The following PRKAG2 variants were observed in gnomAD, a reference collection of about 807,000 sequenced individuals.
PRKAG2 encodes protein kinase AMP-activated non-catalytic subunit gamma 2, also known as 5'-AMP-activated protein kinase subunit gamma-2.
Under a neutral mutation model 69.6 loss-of-function variants are expected in PRKAG2, and 26 were observed. That is an observed-to-expected ratio of 0.37 (90% CI 0.27 to 0.52). The LOEUF (loss-of-function observed/expected upper bound fraction) is 0.52, where lower values mean the gene tolerates loss of function less well. Among genes scored for constraint, PRKAG2 ranks in the 20% least tolerant of loss-of-function variants. The pLI is 0.90. For synonymous variants in PRKAG2, 293 were observed against 285.0 expected (o/e 1.03, Z -0.28); for missense variants, 557 against 740.0 (o/e 0.75, Z 2.87).
chr7:151,700,025 T>G (rs1386088200), intron 3 of PRKAG2, among the ~76,000 whole-genome samples: 3 of 152,170 alleles, frequency 2.0e-5, no homozygotes, highest in Non-Finnish European at 4.4e-5. Flanking sequence ...AATGAAATAG[T>G]TCCACTGAAA....
At position 151,780,253 on chromosome 7, in the gene PRKAG2, G is replaced by A. The variant is rs868401730; in HGVS notation, c.466+899C>T. Among the ~76,000 whole-genome samples the A allele has an allele frequency of 1.3e-5, 2 of 152,232 alleles. No individual in the cohort carries two copies. Among genetic ancestry groups the A allele is most frequent in the African/African-American group, 4.8e-5 (2 of 41,464 alleles). On this transcript the variant is annotated intron_variant, in intron 3 of 15. Coordinates refer to ENST00000287878, the MANE Select transcript of PRKAG2 (RefSeq NM_016203.4). This position sits in a 1 kb window ranked among gnomAD's most constrained non-coding sequence, Gnocchi z 4.2. ...GGAAGAGTTCGAAGTCAGAAACACCGAAATTCCCCTCTTGCTGCCGCCTGG... is the reference window on the plus strand; with the variant it reads ...GGAAGAGTTCGAAGTCAGAAACACCAAAATTCCCCTCTTGCTGCCGCCTGG...
intron 3 of PRKAG2, among the ~76,000 whole-genome samples, chr7:151,729,627 A>AAG (rs1798597856): frequency 6.6e-6 from 1 of 152,066 alleles, no homozygotes; most frequent in Non-Finnish European, 1.5e-5. Context: ...CACGGTCCAC[A>AAG]AGAGGGGCAT....
At chr7:151,874,360 T>TATGTATATGTATATG (rs2080322676) in intron 1 of PRKAG2, among the ~76,000 whole-genome samples, 1 of 96,512 alleles carries the variant, frequency 1.0e-5, no homozygotes, top group African/African-American at 4.3e-5. Flanking sequence ...ATATGATGTA[T>TATGTATATGTATATG]ATGTATATGT....
At chr7:151,698,556 C>T (rs1837098395) in intron 3 of PRKAG2, among the ~76,000 whole-genome samples, 2 of 152,094 alleles carry the variant, frequency 1.3e-5, no homozygotes, top group South Asian at 4.2e-4. Context: ...AGGAGACTTG[C>T]ACCTCCTCCC....
chr7:151,635,041 C>T (rs1217773201), intron 4 of PRKAG2, among the ~76,000 whole-genome samples: 1 of 151,794 alleles, frequency 6.6e-6, no homozygotes, highest in East Asian at 1.9e-4. Context: ...CCTCTACCTC[C>T]CAGGTTCAGG....
At chr7:151,601,688 G>A (rs1348989845) in intron 5 of PRKAG2, among the ~76,000 whole-genome samples, 1 of 152,158 alleles carries the variant, frequency 6.6e-6, no homozygotes, top group Non-Finnish European at 1.5e-5. Context: ...CTACCCACAA[G>A]CCCAGTTGCC....
chr7:151,799,894 C>T (rs1050349263), intron 1 of PRKAG2, among the ~76,000 whole-genome samples: 10 of 152,202 alleles, frequency 6.6e-5, no homozygotes, highest in African/African-American at 2.2e-4. Flanking sequence ...AAATCCCTCA[C>T]GGGTGGGCTA....
At chr7:151,755,840 G>A (rs1024176245) in intron 3 of PRKAG2, among the ~76,000 whole-genome samples, 20 of 152,190 alleles carry the variant, frequency 1.3e-4, no homozygotes, top group South Asian at 4.1e-4. Context: ...GGCCCCTCAC[G>A]AGCCTTCCCA....
Position 151,568,797 on chromosome 7 carries a change from T to C in PRKAG2, c.1152A>G (p.Arg384=), listed in dbSNP as rs397517262. 6.2e-7 allele frequency: 1 copy of C among 1,613,888 alleles called. No homozygotes were observed. Among genetic ancestry groups the C allele is most frequent in the Non-Finnish European group, 8.5e-7 (1 of 1,179,934 alleles). ...CACTGATAGGGTCAATAACGGGCAA[T>C]CTGTGGATTTTATTTTTGATCAAGG... is the stretch of plus-strand genomic sequence containing the variant. ...VYSLIKNKIH[R]LPVIDPISGN... is the part of the protein sequence containing the mutation. The change falls in exon 11 of 16, where the codon AGA becomes AGG. Residue 384 remains arginine (R), a synonymous_variant. Transcript: ENST00000287878.
intron 3 of PRKAG2, among the ~76,000 whole-genome samples, chr7:151,720,512 A>T (rs1796879481): frequency 6.6e-6 from 1 of 151,454 alleles, no homozygotes; most frequent in Admixed American, 6.6e-5. Context: ...GATAGAACAG[A>T]CCTTGACACC....
At chr7:151,654,594 G>A (rs1829115463) in intron 4 of PRKAG2, among the ~76,000 whole-genome samples, 1 of 152,152 alleles carries the variant, frequency 6.6e-6, no homozygotes, top group Admixed American at 6.5e-5. Flanking sequence ...TTTCTCCTGT[G>A]CTTTTACTAT....
intron 3 of PRKAG2, among the ~76,000 whole-genome samples, chr7:151,694,432 T>C (rs1393466736): frequency 6.6e-6 from 1 of 152,100 alleles, no homozygotes; most frequent in African/African-American, 2.4e-5. Context: ...TGAAACTCTG[T>C]CCTCATAAAA....
intron 3 of PRKAG2, chr7:151,736,263 C>T (rs1054591657): frequency 1.3e-5 from 17 of 1,313,666 alleles, no homozygotes; most frequent in South Asian, 1.2e-4. Context: ...CCGGCCACAG[C>T]AGCTGGAGCG....
intron 3 of PRKAG2, among the ~76,000 whole-genome samples, chr7:151,709,262 AC>A (rs1839144309): frequency 1.3e-5 from 2 of 151,888 alleles, no homozygotes. Context: ...ACAATGTGTG[AC>A]ATTGTGTGAC....
In PRKAG2 at chr7:151,661,274, C is replaced by T. The variant is rs1290282749; in HGVS notation, c.684+14146G>A. Among the ~76,000 whole-genome samples the T allele has an allele frequency of 5.3e-5, 8 of 152,160 alleles. No homozygotes were observed. The East Asian group carries it at 1.5e-3, about 29-fold the overall frequency. On this transcript the variant is annotated intron_variant, in intron 4 of 15. Coordinates refer to ENST00000287878, the MANE Select transcript of PRKAG2 (RefSeq NM_016203.4). ...AATCTTGGCTCACTGCAACTTCCGC[C>T]TCAAGCAATTCTCCTGCCTCAGCCT...
At chr7:151,806,698 T>A in intron 1 of PRKAG2, 1 of 236,598 alleles carries the variant, frequency 4.2e-6, no homozygotes. Context: ...CTGGGTACAG[T>A]GGCTCACACC....
chr7:151,652,569 G>C (rs1457172102), intron 4 of PRKAG2, among the ~76,000 whole-genome samples: 1 of 151,730 alleles, frequency 6.6e-6, no homozygotes, highest in African/African-American at 2.4e-5. Context: ...CCCAGTTTTA[G>C]TATATGTGCT....
chr7:151,700,401 T>C (rs6967507), intron 3 of PRKAG2, among the ~76,000 whole-genome samples: 32,993 of 150,954 alleles, frequency 0.22, 4,581 homozygotes, highest in Non-Finnish European at 0.31. Flanking sequence ...GGAGCCTGAA[T>C]CTGCCCTTTG....
At chr7:151,827,745 T>TAAAAAA (rs55685618) in intron 1 of PRKAG2, among the ~76,000 whole-genome samples, 8,809 of 52,180 alleles carry the variant, frequency 0.17, 1,806 homozygotes, top group Non-Finnish European at 0.22. Flanking sequence ...TGGCCTTAGG[T>TAAAAAA]AAAAAAAAAA....
Sources: gnomAD v4.1 joint callset for allele counts (sites outside exome capture counted in the v4.1 genomes callset) on GRCh38, gnomAD v4.1.1 for gene constraint, Gnocchi (gnomAD v3.1) non-coding constraint, MANE v1.5 for transcripts, NCBI Gene and HGNC (gene_info 2026-07-23, HGNC 2026-07-21) for gene names.